The following FARS2 variants were observed in gnomAD, a reference collection of about 807,000 sequenced individuals.
The protein encoded by FARS2 is phenylalanine--tRNA ligase, mitochondrial.
A neutral mutation model predicts 46.4 loss-of-function variants in FARS2; 40 were observed. That is an observed-to-expected ratio of 0.86 (90% CI 0.67 to 1.12). The LOEUF is 1.12. FARS2 is among the 50% of genes most tolerant of loss of function. The probability of loss-of-function intolerance (pLI) is 0.00; values close to 1 mark genes in which losing one functional copy is unlikely to be tolerated. For synonymous variants in FARS2, 234 were observed against 214.9 expected, an observed-to-expected ratio of 1.09 and a Z score of -0.78; for missense variants, 513 against 567.9, an observed-to-expected ratio of 0.90 and a Z score of 0.98.
chr6:5,733,452 T>C (rs1370909408), intron 6 of FARS2, among the ~76,000 whole-genome samples: 1 of 152,146 alleles, frequency 6.6e-6, no homozygotes, highest in African/African-American at 2.4e-5. Context: ...GGAAAGGGAA[T>C]TTTTGCTCTA....
chr6:5,524,122 C>T (rs948716185), intron 4 of FARS2, among the ~76,000 whole-genome samples: 1 of 151,694 alleles, frequency 6.6e-6, no homozygotes, highest in Non-Finnish European at 1.5e-5. Flanking sequence ...ATGAATGTAC[C>T]ACTTGACATT....
At chr6:5,521,973 T>G (rs9504423) in intron 4 of FARS2, among the ~76,000 whole-genome samples, 3,207 of 152,286 alleles carry the variant, frequency 0.021, 115 homozygotes, top group African/African-American at 0.072. Flanking sequence ...CCTTAAGAGT[T>G]TGGTCCCATT....
At chr6:5,547,965 C>T (rs1771137454) in intron 5 of FARS2, among the ~76,000 whole-genome samples, 1 of 152,194 alleles carries the variant, frequency 6.6e-6, no homozygotes, top group African/African-American at 2.4e-5. Context: ...ATACCCCAGA[C>T]TGGGAAGAAA....
chr6:5,512,667 A>T (rs1038022909), intron 4 of FARS2, among the ~76,000 whole-genome samples: 1 of 152,120 alleles, frequency 6.6e-6, no homozygotes, highest in East Asian at 1.9e-4. Context: ...TGTGATAAAG[A>T]CATTGATAAT....
chr6:5,660,370 G>A lies in FARS2; in HGVS notation c.1217+47050G>A, dbSNP rs117925352. On this transcript the variant is annotated intron_variant, in intron 6 of 6. Transcript: ENST00000274680. ...TTTAAGAGCAGTGAGCAGGCTGGGC[G>A]CCATGGCTCACAGGCCCGTAATTCC... 7.2e-5 allele frequency among the ~76,000 whole-genome samples: 11 copies of A among 152,262 alleles called. No individual in the cohort carries two copies. In the East Asian group the frequency reaches 1.4e-3, roughly 19 times the overall value.
intron 6 of FARS2, among the ~76,000 whole-genome samples, chr6:5,743,263 A>G (rs1251614030): frequency 2.6e-5 from 4 of 151,968 alleles, no homozygotes; most frequent in Non-Finnish European, 5.9e-5. Context: ...TAAGTTGGTG[A>G]CTCACATCCT....
At chr6:5,575,871 G>A (rs2150569107) in intron 5 of FARS2, among the ~76,000 whole-genome samples, 1 of 152,164 alleles carries the variant, frequency 6.6e-6, no homozygotes, top group South Asian at 2.1e-4. Context: ...TTCATCTTGT[G>A]CATTTTCAGT....
intron 1 of FARS2, among the ~76,000 whole-genome samples, chr6:5,324,470 C>G: frequency 8.3e-6 from 1 of 120,618 alleles, no homozygotes; most frequent in East Asian, 2.6e-4. Flanking sequence ...TTTTTTTAAC[C>G]AAGACGTTGG....
At position 5,365,510 on chromosome 6, in the gene FARS2, A is replaced by AAT. The variant is rs1439314360; in HGVS notation, c.-21-3040_-21-3039insAT. On this transcript the variant is annotated intron_variant, in intron 1 of 6. Coordinates refer to ENST00000274680, the MANE Select transcript of FARS2 (RefSeq NM_006567.5). ...ATACCCGGCTAATTTATTAAATAAA[A>AAT]TTTTTTTTTTTTTTTTTTTTTTGTA... Among the ~76,000 whole-genome samples, 110 of 127,916 alleles carry AAT rather than the reference A, an allele frequency of 8.6e-4. 1 individual carries two copies. The highest frequency in any genetic ancestry group is 1.5e-3 in the East Asian group (6 of 3,916). 83.9% of individuals were successfully genotyped at this position (127,916 alleles called of 152,430 possible). A position where few individuals can be genotyped will look rare whatever the true frequency, so the allele number is the denominator to read the frequency against.
In FARS2 at chr6:5,404,711, C is replaced by T. The variant is rs1237508204; in HGVS notation, c.772+10C>T. On this transcript the variant is annotated intron_variant, in intron 3 of 6. Transcript: ENST00000274680. ...CATCTTTTTGGAGATGGTAAGTGCT[C>T]AAACACAGGTTGACGATCTCTTATC... 1.9e-6 allele frequency: 3 copies of T among 1,546,562 alleles called. No homozygotes were observed. The highest frequency in any genetic ancestry group is 2.6e-6 in the Non-Finnish European group (3 of 1,140,776).
At chr6:5,691,308 A>G (rs1057169435) in intron 6 of FARS2, among the ~76,000 whole-genome samples, 3 of 151,798 alleles carry the variant, frequency 2.0e-5, no homozygotes, top group African/African-American at 4.8e-5. Flanking sequence ...TTTTTTCCCC[A>G]TCTTTGTGGT....
At chr6:5,370,983 A>G (rs1030812772) in intron 2 of FARS2, among the ~76,000 whole-genome samples, 3 of 152,234 alleles carry the variant, frequency 2.0e-5, no homozygotes, top group Admixed American at 6.5e-5. Flanking sequence ...GACTTCAGCC[A>G]TGAGGAATGA....
chr6:5,645,765 G>T (rs1277706374), intron 6 of FARS2, among the ~76,000 whole-genome samples: 1 of 152,216 alleles, frequency 6.6e-6, no homozygotes, highest in Non-Finnish European at 1.5e-5. Context: ...TTGACGTGGT[G>T]CTTTGACAGA....
chr6:5,615,105 A>G (rs2150679138), intron 6 of FARS2, among the ~76,000 whole-genome samples: 1 of 152,238 alleles, frequency 6.6e-6, no homozygotes, highest in East Asian at 1.9e-4. Context: ...TTTTCTCCCT[A>G]GTATATATCA....
At chr6:5,527,873 C>T (rs938464683) in intron 4 of FARS2, among the ~76,000 whole-genome samples, 2 of 152,152 alleles carry the variant, frequency 1.3e-5, no homozygotes, top group African/African-American at 4.8e-5. Context: ...ATCTGCTTAA[C>T]AATACTTAAT....
chr6:5,461,100 A>T, intron 4 of FARS2, among the ~76,000 whole-genome samples: 1 of 150,838 alleles, frequency 6.6e-6, no homozygotes. Flanking sequence ...GTGCAGTGGC[A>T]TGATCTCAGC....
chr6:5,310,257 A>G (rs1182156193), intron 1 of FARS2, among the ~76,000 whole-genome samples: 3 of 152,224 alleles, frequency 2.0e-5, no homozygotes, highest in Non-Finnish European at 4.4e-5. Context: ...AGATTTAAAC[A>G]TAAAAGCATA....
At position 5,765,267 on chromosome 6, in the gene FARS2, G is replaced by A. The variant is rs561087011; in HGVS notation, c.1218-6024G>A. On this transcript the variant is annotated intron_variant, in intron 6 of 6. Transcript: ENST00000274680. This position sits in a 1 kb window ranked among gnomAD's most constrained non-coding sequence, Gnocchi z 4.0. ...CTCTTGTACAGGATGGTAAAGTTAG[G>A]TGGCATTCACACTGGAGCAGGGACC... Among the ~76,000 whole-genome samples, 35 of 152,356 alleles carry A rather than the reference G, an allele frequency of 2.3e-4. No homozygotes were observed. The highest frequency in any genetic ancestry group is 8.2e-4 in the African/African-American group (34 of 41,586).
At chr6:5,751,932 A>G (rs1761969975) in intron 6 of FARS2, among the ~76,000 whole-genome samples, 1 of 152,206 alleles carries the variant, frequency 6.6e-6, no homozygotes, top group South Asian at 2.1e-4. Context: ...CTGGAAGATT[A>G]AAAAATCAAA....
Sources: gnomAD v4.1 joint callset for allele counts (sites outside exome capture counted in the v4.1 genomes callset) on GRCh38, gnomAD v4.1.1 for gene constraint, Gnocchi (gnomAD v3.1) non-coding constraint, MANE v1.5 for transcripts, NCBI Gene and HGNC (gene_info 2026-07-23, HGNC 2026-07-21) for gene names.